The following MATN2 variants were observed in gnomAD, a reference collection of about 807,000 sequenced individuals.
MATN2 encodes the protein matrilin 2.
MATN2 carries 69 observed loss-of-function variants against 103.2 expected under a neutral mutation model. That is an observed-to-expected ratio of 0.67 (90% confidence interval 0.55 to 0.82). MATN2 has a LOEUF of 0.82. Among genes scored for constraint, MATN2 ranks in the 40% least tolerant of loss-of-function variants. MATN2 has a pLI of 0.00. For synonymous variants in MATN2, 429 were observed against 450.2 expected (o/e 0.95, Z 0.60); for missense variants, 1,023 against 1,211.5 (o/e 0.84, Z 2.31).
chr8:97,953,812 G>C (rs1205360499), intron 4 of MATN2, among the ~76,000 whole-genome samples: 1 of 75,974 alleles, frequency 1.3e-5, no homozygotes, highest in Non-Finnish European at 2.9e-5. Flanking sequence ...AAAAAAAAAA[G>C]TTAGCTGGGT....
chr8:98,016,843 T>C (rs1813380960), intron 11 of MATN2, among the ~76,000 whole-genome samples, 181 bp downstream of exon 11: 1 of 152,136 alleles, frequency 6.6e-6, no homozygotes, highest in South Asian at 2.1e-4. Flanking sequence ...TAAGTAAATG[T>C]CAATAAAATA....
Position 98,007,285 on chromosome 8 carries a change from G to A in MATN2, c.1450+58G>A. On this transcript the variant is annotated intron_variant, in intron 9 of 18. Coordinates refer to ENST00000254898, the MANE Select transcript of MATN2 (RefSeq NM_002380.5). This position sits in a 1 kb window ranked among gnomAD's most constrained non-coding sequence, Gnocchi z 4.2. ...GGTTTGCACCAGGAGTGAAACCTAT[G>A]TGACTGCAGAGGGCACAGGTTGTAC... The A allele has an allele frequency of 6.2e-7, 1 of 1,609,076 alleles. No individual in the cohort carries two copies. The highest frequency in any genetic ancestry group is 8.5e-7 in the Non-Finnish European group (1 of 1,176,966).
At position 98,035,772 on chromosome 8, in the gene MATN2, C is replaced by A; in HGVS notation, c.*60C>A. On this transcript the variant is annotated 3_prime_UTR_variant, in exon 19 of 19. Transcript: ENST00000254898. ...ATCACGGATTACAATGAACGCAGTGCAGAGCCCCAAAGCTCAGGCTATTGT... is the reference window on the plus strand; with the variant it reads ...ATCACGGATTACAATGAACGCAGTGAAGAGCCCCAAAGCTCAGGCTATTGT... 1.8e-6 allele frequency: 2 copies of A among 1,083,762 alleles called. No individual in the cohort carries two copies. The highest frequency in any genetic ancestry group is 2.7e-6 in the Non-Finnish European group (2 of 738,018). The allele number at this position is 1,083,762 out of a possible 1,614,324, so 67.1% of individuals were successfully genotyped here.
intron 4 of MATN2, among the ~76,000 whole-genome samples, chr8:97,945,809 G>T (rs544172843): frequency 6.6e-4 from 100 of 151,044 alleles, no homozygotes; most frequent in Non-Finnish European, 1.3e-3. Flanking sequence ...CACATTCTTT[G>T]AATGGTGATG....
chr8:97,955,676 G>A (rs1394538229), intron 4 of MATN2, among the ~76,000 whole-genome samples: 2 of 152,184 alleles, frequency 1.3e-5, no homozygotes, highest in African/African-American at 2.4e-5. Flanking sequence ...TACAGGCACC[G>A]TAAGGAACAC....
chr8:97,893,756 T>C (rs1241113883), intron 2 of MATN2, among the ~76,000 whole-genome samples: 1 of 152,052 alleles, frequency 6.6e-6, no homozygotes, highest in Non-Finnish European at 1.5e-5. Flanking sequence ...TTTGTATTTT[T>C]AGTAGAGACA....
intron 2 of MATN2, among the ~76,000 whole-genome samples, chr8:97,904,237 T>G (rs1819088138): frequency 6.6e-6 from 1 of 152,266 alleles, no homozygotes; most frequent in African/African-American, 2.4e-5. Context: ...GAATCCCTTC[T>G]GTAGGGGAAA....
At chr8:98,024,560 ACAG>A (rs751910854) in intron 13 of MATN2, among the ~76,000 whole-genome samples, 6 of 152,228 alleles carry the variant, frequency 3.9e-5, no homozygotes, top group Non-Finnish European at 8.8e-5. Flanking sequence ...GTAATCATCA[ACAG>A]CAGAGGTGTC....
rs1438952320 is a variant in MATN2 at position 98,024,017 on chromosome 8, A to C, written c.1942+2690A>C. Among the ~76,000 whole-genome samples the C allele has an allele frequency of 2.6e-5, 4 of 152,174 alleles. No individual in the cohort carries two copies. The East Asian group carries it at 7.7e-4, about 29-fold the overall frequency. On this transcript the variant is annotated intron_variant, in intron 13 of 18. Transcript: ENST00000254898. ...AGAACACATGGACACAGGGAGGGGAACAACACACACCGGGGCCTGTTGGGG... is the reference window on the plus strand; with the variant it reads ...AGAACACATGGACACAGGGAGGGGACCAACACACACCGGGGCCTGTTGGGG...
chr8:97,876,026 C>T (rs974406810), intron 1 of MATN2, among the ~76,000 whole-genome samples: 1 of 144,894 alleles, frequency 6.9e-6, no homozygotes, highest in African/African-American at 2.6e-5. Flanking sequence ...GCAAACTTCT[C>T]TTTTTTTCTT....
chr8:97,977,810 C>G (rs962743655), intron 5 of MATN2, among the ~76,000 whole-genome samples: 8 of 152,292 alleles, frequency 5.3e-5, no homozygotes, highest in Non-Finnish European at 1.0e-4. Context: ...CAGAGTCCCA[C>G]CTCCTGGCCT....
intron 2 of MATN2, among the ~76,000 whole-genome samples, chr8:97,925,354 A>T (rs941794988): frequency 1.3e-5 from 2 of 152,096 alleles, no homozygotes; most frequent in African/African-American, 4.8e-5. Flanking sequence ...CAAAGACTGA[A>T]ATATAGAAGC....
intron 5 of MATN2, among the ~76,000 whole-genome samples, chr8:97,969,067 A>AG (rs200352163): frequency 0.031 from 4,714 of 152,332 alleles, 227 homozygotes; most frequent in African/African-American, 0.1. Context: ...CAAAAGCCAA[A>AG]GGGGGAGCAA....
intron 5 of MATN2, among the ~76,000 whole-genome samples, chr8:97,964,936 G>A (rs149491314): frequency 6.6e-6 from 1 of 152,176 alleles, no homozygotes; most frequent in East Asian, 1.9e-4. Flanking sequence ...GTCTTGCTAT[G>A]TTGCCCAGGC....
intron 7 of MATN2, among the ~76,000 whole-genome samples, chr8:97,999,148 G>A (rs13439743): frequency 0.47 from 71,510 of 152,054 alleles, 17,709 homozygotes; most frequent in Non-Finnish European, 0.53. Flanking sequence ...TTCAAGGTTC[G>A]TTCAGTTGTA....
Position 98,021,337 on chromosome 8 carries a change from C to G in MATN2, c.1942+10C>G. ...GGAAGACGGTGCAAGAGTAAGTGAT[C>G]TGAACTTGGCTCTCTGCTTTAATTT... is the stretch of plus-strand genomic sequence containing the variant. On this transcript the variant is annotated intron_variant, in intron 13 of 18. Transcript: ENST00000254898. 1 of 1,608,604 alleles carries G rather than the reference C, an allele frequency of 6.2e-7. No homozygotes were observed. The highest frequency in any genetic ancestry group is 8.5e-7 in the Non-Finnish European group (1 of 1,177,642).
chr8:97,994,241 A>G (rs1812493511), intron 6 of MATN2, among the ~76,000 whole-genome samples: 1 of 148,792 alleles, frequency 6.7e-6, no homozygotes, highest in African/African-American at 2.5e-5. Flanking sequence ...AGGGGGAGGA[A>G]GGGAAAGAGG....
chr8:97,974,978 C>T (rs773400523), intron 5 of MATN2, among the ~76,000 whole-genome samples: 16 of 152,252 alleles, frequency 1.1e-4, no homozygotes, highest in African/African-American at 3.1e-4. Context: ...AGTTCTCAAG[C>T]GATGGTTGAT....
chr8:98,027,653 A>G lies in MATN2; in HGVS notation c.2180A>G (p.Tyr727Cys), dbSNP rs746616360. The change falls in exon 14 of 19, where the codon TAC (tyrosine) becomes TGC (cysteine). Residue 727 changes from tyrosine (Y) to cysteine (C), a missense_variant. Transcript: ENST00000254898. ...AAAAAAGCCGTGGCCCACATGAAAT[A>G]CATGGGAAAGGGCTCTATGACTGGG... ...DMKKAVAHMK[Y>C]MGKGSMTGLA... 6.2e-7 allele frequency: 1 copy of G among 1,613,964 alleles called. No individual in the cohort carries two copies. The highest frequency in any genetic ancestry group is 1.7e-5 in the Admixed American group (1 of 60,004).
Sources: allele counts gnomAD v4.1 joint callset (sites outside exome capture counted in the v4.1 genomes callset), GRCh38; gene constraint gnomAD v4.1.1; non-coding constraint Gnocchi (gnomAD v3.1); transcripts MANE v1.5; gene names NCBI Gene and HGNC (gene_info 2026-07-23, HGNC 2026-07-21).